Variants in RAPGEF5 observed in about 807,000 individuals in gnomAD.
RAPGEF5 encodes M-Ras-regulated GEF.
In RAPGEF5, 65 loss-of-function variants were observed where a neutral mutation model predicts 125.2. That is an observed-to-expected ratio of 0.52 (90% CI 0.43 to 0.64). The LOEUF (loss-of-function observed/expected upper bound fraction) is 0.64, where lower values mean the gene tolerates loss of function less well. Among genes scored for constraint, RAPGEF5 ranks in the 30% least tolerant of loss-of-function variants. RAPGEF5 has a pLI of 0.00. For synonymous variants in RAPGEF5, 391 were observed against 385.9 expected (o/e 1.01, Z -0.16); for missense variants, 958 against 1,048.1 (o/e 0.91, Z 1.19).
At chr7:22,303,971 C>A (rs1783272929) in intron 5 of RAPGEF5, among the ~76,000 whole-genome samples, 1 of 152,006 alleles carries the variant, frequency 6.6e-6, no homozygotes, top group Admixed American at 6.6e-5. Context: ...AGGGGTGGGC[C>A]AGGGGTGAAA....
chr7:22,119,009 G>C lies in RAPGEF5; in HGVS notation c.*3397C>G, dbSNP rs17146268. 6.6e-6 allele frequency: 1 copy of C among 150,970 alleles called. No homozygotes were observed. Among genetic ancestry groups the C allele is most frequent in the South Asian group, 2.1e-4 (1 of 4,792 alleles). The allele number at this position is 150,970 out of a possible 1,614,324, so 9.4% of individuals were successfully genotyped here. ...AAGAAATCCTGTGTTGGACCACTGCGGAAGACCCGATCGTCCCCATTTTAA... is the reference window on the plus strand; with the variant it reads ...AAGAAATCCTGTGTTGGACCACTGCCGAAGACCCGATCGTCCCCATTTTAA... On this transcript the variant is annotated 3_prime_UTR_variant, in exon 26 of 26. Transcript: ENST00000665637. This position sits in a 1 kb window ranked among gnomAD's most constrained non-coding sequence, Gnocchi z 4.1.
At chr7:22,199,178 G>C (rs1206242967) in intron 9 of RAPGEF5, among the ~76,000 whole-genome samples, 1 of 152,152 alleles carries the variant, frequency 6.6e-6, no homozygotes, top group African/African-American at 2.4e-5. Flanking sequence ...TCTAAGAGAG[G>C]AAGAGAGTTG....
At chr7:22,317,865 C>T in intron 2 of RAPGEF5, 122 bp downstream of exon 2, 2 of 1,319,472 alleles carry the variant, frequency 1.5e-6, no homozygotes, top group African/African-American at 1.5e-5. Context: ...GTGATCACTG[C>T]AGCATCCCTG....
At chr7:22,263,396 G>A (rs2128141036) in intron 7 of RAPGEF5, among the ~76,000 whole-genome samples, 1 of 152,236 alleles carries the variant, frequency 6.6e-6, no homozygotes, top group Non-Finnish European at 1.5e-5. Flanking sequence ...TAAATCAGCA[G>A]CATATTAATA....
intron 7 of RAPGEF5, among the ~76,000 whole-genome samples, chr7:22,259,491 A>G (rs1562493544): frequency 6.6e-6 from 1 of 152,230 alleles, no homozygotes; most frequent in Admixed American, 6.5e-5. Flanking sequence ...TGATCTAGCA[A>G]TCAAACTCCT....
chr7:22,289,132 A>G (rs1332140619), intron 6 of RAPGEF5, among the ~76,000 whole-genome samples: 1 of 152,048 alleles, frequency 6.6e-6, no homozygotes, highest in Non-Finnish European at 1.5e-5. Flanking sequence ...TGAATTTACG[A>G]CTTTACTTAT....
At chr7:22,274,733 T>G (rs2128143404) in intron 6 of RAPGEF5, among the ~76,000 whole-genome samples, 1 of 152,288 alleles carries the variant, frequency 6.6e-6, no homozygotes, top group African/African-American at 2.4e-5. Flanking sequence ...TATCCCTGAT[T>G]TAGCTCAGCC....
At chr7:22,272,014 C>T (rs1782438793) in intron 6 of RAPGEF5, among the ~76,000 whole-genome samples, 1 of 151,980 alleles carries the variant, frequency 6.6e-6, no homozygotes, top group South Asian at 2.1e-4. Context: ...GAAGAGGAGG[C>T]CCTTGAAAGC....
chr7:22,160,573 T>C lies in RAPGEF5; in HGVS notation c.1471A>G (p.Ile491Val), dbSNP rs1053218406. 12 of 1,549,264 alleles carry C rather than the reference T, an allele frequency of 7.7e-6. No homozygotes were observed. Among genetic ancestry groups the C allele is most frequent in the African/African-American group, 1.4e-5 (1 of 73,278 alleles). ...AATTCTTTCAATTCTTTTTCAAGTA[T>C]TGGATATTCATAAACATCATCCAGT... ...NVLDDVYEYP[I>V]LEKELKEFQK... The change falls in exon 14 of 26, where the codon ATA (isoleucine) becomes GTA (valine). Residue 491 changes from isoleucine (I) to valine (V), a missense_variant. Transcript: ENST00000665637.
At chr7:22,352,563 T>C (rs1416397134) in intron 1 of RAPGEF5, among the ~76,000 whole-genome samples, 1 of 152,114 alleles carries the variant, frequency 6.6e-6, no homozygotes, top group Non-Finnish European at 1.5e-5. Flanking sequence ...TTAAAAAGTA[T>C]ACAGGAGACA....
At chr7:22,325,475 C>A (rs560155027) in intron 1 of RAPGEF5, among the ~76,000 whole-genome samples, 2 of 152,188 alleles carry the variant, frequency 1.3e-5, no homozygotes, top group Non-Finnish European at 2.9e-5. Flanking sequence ...TCCATCCCTG[C>A]CTTAAGTGGT....
intron 7 of RAPGEF5, among the ~76,000 whole-genome samples, chr7:22,248,720 A>T (rs533181981): frequency 6.6e-6 from 1 of 152,332 alleles, no homozygotes; most frequent in Admixed American, 6.5e-5. Context: ...CCTCTCACAC[A>T]GAGGGGAAGA....
At chr7:22,160,650 GA>G in intron 13 of RAPGEF5, 35 bp from the exon 14 acceptor site, 1 of 1,506,446 alleles carries the variant, frequency 6.6e-7, no homozygotes, top group Non-Finnish European at 8.8e-7. Context: ...CTCAGTGGTT[GA>G]ATGCCCATTT....
intron 6 of RAPGEF5, among the ~76,000 whole-genome samples, chr7:22,282,659 A>C (rs994435967): frequency 6.6e-6 from 1 of 152,230 alleles, no homozygotes; most frequent in Non-Finnish European, 1.5e-5. Context: ...CTGAAATGTG[A>C]CAATGTACGA....
intron 11 of RAPGEF5, among the ~76,000 whole-genome samples, chr7:22,177,807 T>C (rs1784554525): frequency 6.6e-6 from 1 of 152,182 alleles, no homozygotes; most frequent in African/African-American, 2.4e-5. Flanking sequence ...GGTTCTTTCA[T>C]TACACTATGC....
chr7:22,211,392 T>C (rs75932356), intron 9 of RAPGEF5, among the ~76,000 whole-genome samples: 12,300 of 152,276 alleles, frequency 0.081, 545 homozygotes, highest in Middle Eastern at 0.14. Flanking sequence ...GATATTCACA[T>C]TATATGCATG....
At position 22,121,473 on chromosome 7, in the gene RAPGEF5, T is replaced by C. The variant is rs574941829; in HGVS notation, c.*933A>G. On this transcript the variant is annotated 3_prime_UTR_variant, in exon 26 of 26. Coordinates refer to ENST00000665637, the MANE Select transcript of RAPGEF5 (RefSeq NM_012294.5). ...TTCCATAGTGTGGGCAAGGAGCCTG[T>C]ATGAGGTACGCAAAATGCATCATCA... is the stretch of plus-strand genomic sequence containing the variant. The C allele has an allele frequency of 5.3e-5, 8 of 152,318 alleles. No individual in the cohort carries two copies. In the East Asian group the frequency reaches 1.5e-3, roughly 29 times the overall value. 9.4% of individuals were successfully genotyped at this position (152,318 alleles called of 1,614,324 possible).
rs1279095130 is a variant in RAPGEF5 at position 22,136,969 on chromosome 7, C to T, written c.2292G>A (p.Lys764=). ...CAAGTTCAGAGAAAAGTTTCTTAAA[C>T]TTCCCAGGGATTTTCTAAAAAACAA... ...LSQTWEKIPG[K]FKKLFSELES... is the part of the protein sequence containing the mutation. The change falls in exon 22 of 26, where the codon AAG becomes AAA. Residue 764 remains lysine, a synonymous_variant. Coordinates refer to ENST00000665637, the MANE Select transcript of RAPGEF5 (RefSeq NM_012294.5). The T allele has an allele frequency of 6.3e-7, 1 of 1,584,368 alleles. No homozygotes were observed. The highest frequency in any genetic ancestry group is 8.6e-7 in the Non-Finnish European group (1 of 1,161,500).
At chr7:22,163,051 C>T (rs1784419402) in intron 12 of RAPGEF5, 1 of 452,228 alleles carries the variant, frequency 2.2e-6, no homozygotes, top group Non-Finnish European at 4.4e-6. Context: ...ATGCCCACTC[C>T]TAGGAACTTA....
Sources: gnomAD v4.1 joint callset for allele counts (sites outside exome capture counted in the v4.1 genomes callset) on GRCh38, gnomAD v4.1.1 for gene constraint, Gnocchi (gnomAD v3.1) non-coding constraint, MANE v1.5 for transcripts, NCBI Gene and HGNC (gene_info 2026-07-23, HGNC 2026-07-21) for gene names.